The following SLC35F3 variants were observed in gnomAD, a reference collection of about 807,000 sequenced individuals.
The protein encoded by SLC35F3 is solute carrier family 35 member F3, also known as putative thiamine transporter SLC35F3.
A neutral mutation model predicts 49.9 loss-of-function variants in SLC35F3; 25 were observed. The ratio of observed to expected loss-of-function variants is 0.50; its 90% CI spans 0.37 to 0.70. The LOEUF is 0.70. Among genes scored for constraint, SLC35F3 ranks in the 30% least tolerant of loss-of-function variants. SLC35F3 has a pLI of 0.00. For synonymous variants in SLC35F3, 275 were observed against 265.4 expected, an observed-to-expected ratio of 1.04 and a Z score of -0.35; for missense variants, 525 against 639.8, an observed-to-expected ratio of 0.82 and a Z score of 1.94.
chr1:234,246,589 T>C (rs1667634940), intron 3 of SLC35F3, among the ~76,000 whole-genome samples: 1 of 152,218 alleles, frequency 6.6e-6, no homozygotes, highest in East Asian at 1.9e-4. Flanking sequence ...CATACTGATG[T>C]TTTCCCCTTC....
intron 2 of SLC35F3, among the ~76,000 whole-genome samples, chr1:233,925,729 G>T (rs1211190477): frequency 6.6e-6 from 1 of 152,152 alleles, no homozygotes; most frequent in Non-Finnish European, 1.5e-5. Flanking sequence ...TCCTAGCATC[G>T]ATGGTCTTTA....
intron 3 of SLC35F3, among the ~76,000 whole-genome samples, chr1:234,278,242 G>A (rs150263022): frequency 2.6e-4 from 40 of 152,120 alleles, no homozygotes; most frequent in African/African-American, 6.5e-4. Flanking sequence ...TGTAATCCCC[G>A]CACTTTGAGA....
chr1:234,193,071 A>G (rs1666753785), intron 2 of SLC35F3, among the ~76,000 whole-genome samples: 2 of 152,186 alleles, frequency 1.3e-5, no homozygotes, highest in African/African-American at 4.8e-5. Flanking sequence ...TGCTACCATC[A>G]TTCTTCACAG....
chr1:234,094,006 C>T (rs541094308), intron 2 of SLC35F3, among the ~76,000 whole-genome samples: 6 of 152,212 alleles, frequency 3.9e-5, no homozygotes, highest in African/African-American at 1.2e-4. Context: ...ACCGCCCAGA[C>T]GGCCAGGAAG....
intron 2 of SLC35F3, among the ~76,000 whole-genome samples, chr1:233,949,457 C>T (rs1361193526): frequency 6.6e-6 from 1 of 152,100 alleles, no homozygotes; most frequent in Non-Finnish European, 1.5e-5. Context: ...TATATTTGCT[C>T]AAGGAGCCAG....
chr1:233,924,940 G>A (rs1662132165), intron 2 of SLC35F3, among the ~76,000 whole-genome samples: 1 of 152,200 alleles, frequency 6.6e-6, no homozygotes, highest in Admixed American at 6.5e-5. Context: ...TAGATGTGCG[G>A]TTCTGAGTGA....
At chr1:234,039,729 C>T (rs776831365) in intron 2 of SLC35F3, among the ~76,000 whole-genome samples, 23 of 152,206 alleles carry the variant, frequency 1.5e-4, no homozygotes, top group African/African-American at 5.3e-4. Flanking sequence ...CTCAACCCCT[C>T]GTGGGAGAGA....
At chr1:233,940,533 C>G (rs1387121680) in intron 2 of SLC35F3, among the ~76,000 whole-genome samples, 1 of 152,158 alleles carries the variant, frequency 6.6e-6, no homozygotes, top group Non-Finnish European at 1.5e-5. Flanking sequence ...CATGATTCTC[C>G]CATTCAAAGA....
intron 2 of SLC35F3, among the ~76,000 whole-genome samples, chr1:234,100,231 CA>C (rs994857358): frequency 6.6e-6 from 1 of 152,176 alleles, no homozygotes; most frequent in African/African-American, 2.4e-5. Flanking sequence ...ACCTTTGAGT[CA>C]AGATTCTGAA....
chr1:233,912,069 A>G (rs537716108), intron 2 of SLC35F3, among the ~76,000 whole-genome samples: 1 of 152,306 alleles, frequency 6.6e-6, no homozygotes, highest in East Asian at 1.9e-4. Context: ...GCTGTTAGGG[A>G]TGCTCTGGCC....
chr1:234,159,342 T>G (rs1169821460), intron 2 of SLC35F3, among the ~76,000 whole-genome samples: 2 of 152,092 alleles, frequency 1.3e-5, no homozygotes, highest in African/African-American at 4.8e-5. Flanking sequence ...TTTGGGAGAC[T>G]GAGGTGGGTG....
intron 3 of SLC35F3, among the ~76,000 whole-genome samples, chr1:234,293,060 G>A (rs950410049): frequency 2.0e-5 from 3 of 152,176 alleles, no homozygotes; most frequent in Non-Finnish European, 4.4e-5. Flanking sequence ...CCCAAAAAGG[G>A]CACTCGAGCA....
At chr1:234,057,887 A>C (rs1255991665) in intron 2 of SLC35F3, among the ~76,000 whole-genome samples, 2 of 152,046 alleles carry the variant, frequency 1.3e-5, no homozygotes. Flanking sequence ...TGTGTTTTTT[A>C]GTAGAGATGG....
At chr1:234,314,186 G>C (rs1027760558) in intron 4 of SLC35F3, among the ~76,000 whole-genome samples, 1 of 152,208 alleles carries the variant, frequency 6.6e-6, no homozygotes, top group Non-Finnish European at 1.5e-5. Context: ...ATGAACTGAT[G>C]GGGTGGCACA....
intron 2 of SLC35F3, among the ~76,000 whole-genome samples, chr1:233,965,132 G>A (rs1199587025): frequency 1.3e-5 from 2 of 152,100 alleles, no homozygotes; most frequent in Admixed American, 1.3e-4. Context: ...TGGGCCTGTG[G>A]TCCTTCCTAA....
At chr1:234,123,534 C>T (rs967092178) in intron 2 of SLC35F3, among the ~76,000 whole-genome samples, 8 of 151,998 alleles carry the variant, frequency 5.3e-5, no homozygotes, top group South Asian at 2.1e-4. Context: ...TTCAGTCTCC[C>T]GAGTAGCTGG....
intron 2 of SLC35F3, among the ~76,000 whole-genome samples, chr1:234,142,099 C>T (rs1007868610): frequency 6.6e-6 from 1 of 152,176 alleles, no homozygotes; most frequent in Non-Finnish European, 1.5e-5. Context: ...AGACTAAGCT[C>T]ATGCTACTAG....
intron 4 of SLC35F3, among the ~76,000 whole-genome samples, chr1:234,309,987 G>A (rs891211203): frequency 3.3e-5 from 5 of 152,042 alleles, no homozygotes; most frequent in African/African-American, 1.2e-4. Context: ...TTAGCTCGTC[G>A]GATTTCATAA....
intron 2 of SLC35F3, among the ~76,000 whole-genome samples, chr1:233,988,587 C>T (rs1558198062): frequency 1.3e-5 from 2 of 152,194 alleles, no homozygotes; most frequent in African/African-American, 2.4e-5. Flanking sequence ...TTCCCACCCT[C>T]CACATGCTCT....
Sources: gnomAD v4.1 joint callset for allele counts (sites outside exome capture counted in the v4.1 genomes callset) on GRCh38, gnomAD v4.1.1 for gene constraint, MANE v1.5 for transcripts, NCBI Gene and HGNC (gene_info 2026-07-23, HGNC 2026-07-21) for gene names.